The following FAM135B variants were observed in gnomAD, a reference collection of about 807,000 sequenced individuals.
FAM135B encodes family with sequence similarity 135 member B, also known as protein FAM135B.
A neutral mutation model predicts 127.7 loss-of-function variants in FAM135B; 43 were observed. That is an observed-to-expected ratio of 0.34 (90% CI 0.26 to 0.43). The LOEUF (loss-of-function observed/expected upper bound fraction) is 0.43. Among genes scored for constraint, FAM135B ranks in the 20% least tolerant of loss-of-function variants. The pLI, the probability that FAM135B is intolerant of heterozygous loss-of-function variation, is 1.00. For missense variants in FAM135B, 1,558 were observed against 1,725.6 expected (o/e 0.90, Z 1.72); for synonymous variants, 670 against 665.1 (o/e 1.01, Z -0.11).
At chr8:138,481,128 T>C (rs1432353519) in intron 1 of FAM135B, among the ~76,000 whole-genome samples, 2 of 152,198 alleles carry the variant, frequency 1.3e-5, no homozygotes, top group African/African-American at 4.8e-5. Flanking sequence ...CTCAACAGCA[T>C]CCGCAGCACA....
In FAM135B at chr8:138,152,764, C is replaced by G. The variant is rs145591171; in HGVS notation, c.1711G>C (p.Ala571Pro). The G allele has an allele frequency of 6.2e-7, 1 of 1,614,192 alleles. No individual in the cohort carries two copies. The highest frequency in any genetic ancestry group is 1.3e-5 in the African/African-American group (1 of 75,052). ...KNPSRAEPLVAFNAQHESRSS... is the reference protein window; with the variant it reads ...KNPSRAEPLVPFNAQHESRSS... ...CTACTCTCATGCTGAGCATTGAAGG[C>G]CACCAGGGGTTCAGCTCTGGAGGGG... The change falls in exon 13 of 20, where the codon GCC (alanine) becomes CCC (proline). Residue 571 changes from alanine (A) to proline (P), a missense_variant. Coordinates refer to ENST00000395297, the MANE Select transcript of FAM135B (RefSeq NM_015912.4).
chr8:138,256,771 A>G lies in FAM135B; in HGVS notation c.298-12T>C. 6.2e-7 allele frequency: 1 copy of G among 1,611,454 alleles called. No individual in the cohort carries two copies. The highest frequency in any genetic ancestry group is 2.2e-5 in the East Asian group (1 of 44,802). On this transcript the variant is annotated splice_polypyrimidine_tract_variant and intron_variant, in intron 4 of 19. Coordinates refer to ENST00000395297, the MANE Select transcript of FAM135B (RefSeq NM_015912.4). ...AGTGCGTCTTCCATCTGCAAAAGAA[A>G]CAAAGTCCAAGGGATTTCAGGAGTC...
At chr8:138,423,053 G>A (rs1000903236) in intron 1 of FAM135B, among the ~76,000 whole-genome samples, 2 of 152,098 alleles carry the variant, frequency 1.3e-5, no homozygotes, top group African/African-American at 4.8e-5. Context: ...CTTATAAGTG[G>A]GAGTTAAACA....
chr8:138,369,347 A>G (rs1390139220), intron 1 of FAM135B, among the ~76,000 whole-genome samples: 1 of 152,134 alleles, frequency 6.6e-6, no homozygotes, highest in Non-Finnish European at 1.5e-5. Flanking sequence ...TGCCTCAGGG[A>G]CCAGACCATT....
At chr8:138,155,637 G>T (rs1468820859) in intron 12 of FAM135B, among the ~76,000 whole-genome samples, 1 of 152,050 alleles carries the variant, frequency 6.6e-6, no homozygotes, top group Non-Finnish European at 1.5e-5. Flanking sequence ...AAAAACAGGG[G>T]TTGCAATCCT....
chr8:138,213,329 AG>A (rs1818284059), intron 7 of FAM135B, among the ~76,000 whole-genome samples: 1 of 141,390 alleles, frequency 7.1e-6, no homozygotes, highest in South Asian at 2.3e-4. Flanking sequence ...TTAAGTAATA[AG>A]TATTATTGTC....
At position 138,424,429 on chromosome 8, in the gene FAM135B, T is replaced by C. The variant is rs183919599; in HGVS notation, c.-19-56427A>G. 1.2e-4 allele frequency among the ~76,000 whole-genome samples: 18 copies of C among 152,344 alleles called. No individual in the cohort carries two copies. The East Asian group carries it at 3.5e-3, about 29-fold the overall frequency. The stretch of plus-strand genomic sequence containing the variant: ...TTCCCACAACAGTGAGAAAGACATG[T>C]AGATGTATATATCTTCAATACCTTC... On this transcript the variant is annotated intron_variant, in intron 1 of 19. Transcript: ENST00000395297.
chr8:138,260,766 C>T (rs569958628), intron 4 of FAM135B, among the ~76,000 whole-genome samples: 1 of 152,302 alleles, frequency 6.6e-6, no homozygotes, highest in African/African-American at 2.4e-5. Flanking sequence ...ATAGCAGCAA[C>T]TGCCTGTATG....
At chr8:138,441,331 ACTTT>A (rs1835751331) in intron 1 of FAM135B, 1 of 152,152 alleles carries the variant, frequency 6.6e-6, no homozygotes, top group Admixed American at 6.6e-5. Flanking sequence ...CAGAACTAAA[ACTTT>A]CTTATGCAGG....
chr8:138,436,029 TA>T (rs1835434963), intron 1 of FAM135B, among the ~76,000 whole-genome samples: 1 of 152,226 alleles, frequency 6.6e-6, no homozygotes, highest in Non-Finnish European at 1.5e-5. Context: ...TGTGACAGCC[TA>T]TGTGCTCCAT....
intron 2 of FAM135B, chr8:138,367,397 A>C (rs113870086): frequency 5.0e-5 from 23 of 456,388 alleles, no homozygotes; most frequent in Middle Eastern, 3.3e-4. Context: ...GAAATGCCAA[A>C]TTCAGACTGC....
At chr8:138,414,139 TGCACA>T (rs1834016670) in intron 1 of FAM135B, among the ~76,000 whole-genome samples, 3 of 148,430 alleles carry the variant, frequency 2.0e-5, no homozygotes, top group African/African-American at 7.5e-5. Flanking sequence ...TATATATATA[TGCACA>T]AAAAATATAT....
intron 2 of FAM135B, among the ~76,000 whole-genome samples, chr8:138,311,881 A>G (rs1826709513): frequency 6.6e-6 from 1 of 152,162 alleles, no homozygotes; most frequent in Non-Finnish European, 1.5e-5. Context: ...CATGAGTGAC[A>G]CATTTCCAGC....
chr8:138,478,613 A>G (rs1814628191), intron 1 of FAM135B, among the ~76,000 whole-genome samples: 1 of 152,188 alleles, frequency 6.6e-6, no homozygotes, highest in Non-Finnish European at 1.5e-5. Flanking sequence ...TTCTAAATAC[A>G]CTGGCTCTAC....
At chr8:138,442,400 T>C (rs1266842040) in intron 1 of FAM135B, among the ~76,000 whole-genome samples, 1 of 151,624 alleles carries the variant, frequency 6.6e-6, no homozygotes, top group Non-Finnish European at 1.5e-5. Flanking sequence ...CACGTACTAC[T>C]ATGTGTCAGG....
At chr8:138,473,738 C>T (rs1814211783) in intron 1 of FAM135B, among the ~76,000 whole-genome samples, 1 of 152,014 alleles carries the variant, frequency 6.6e-6, no homozygotes, top group African/African-American at 2.4e-5. Context: ...TCACCAGCAG[C>T]TTTAAGATAC....
At chr8:138,208,579 C>T (rs1817894206) in intron 7 of FAM135B, among the ~76,000 whole-genome samples, 1 of 152,174 alleles carries the variant, frequency 6.6e-6, no homozygotes, top group Admixed American at 6.5e-5. Flanking sequence ...GAAACAGAGT[C>T]CCACAAAAAC....
Position 138,226,184 on chromosome 8 carries a change from T to TGTGTGTGTGTGTGCGCGCGCGC in FAM135B, c.669+16757_669+16758insGCGCGCGCGCACACACACACAC. Among the ~76,000 whole-genome samples the TGTGTGTGTGTGTGCGCGCGCGC allele has an allele frequency of 2.0e-3, 276 of 139,282 alleles. 2 individuals are homozygous for TGTGTGTGTGTGTGCGCGCGCGC. The highest frequency in any genetic ancestry group is 6.6e-3 in the East Asian group (30 of 4,566). The allele number at this position is 139,282 out of a possible 152,430, so 91.4% of individuals were successfully genotyped here. On this transcript the variant is annotated intron_variant, in intron 7 of 19. Coordinates refer to ENST00000395297, the MANE Select transcript of FAM135B (RefSeq NM_015912.4). ...GTGTGTGTGTGTGTGTGTGTGTGTG[T>TGTGTGTGTGTGTGCGCGCGCGC]GCGCGCATGTCATTTTTTTTTTCAT...
At position 138,199,876 on chromosome 8, in the gene FAM135B, A is replaced by G. The variant is rs143549002; in HGVS notation, c.670-2207T>C. 8.5e-3 allele frequency among the ~76,000 whole-genome samples: 1,288 copies of G among 152,294 alleles called. 24 individuals are homozygous for G. Among genetic ancestry groups the G allele is most frequent in the African/African-American group, 0.029 (1,216 of 41,568 alleles). ...TCCTCCCTCGACATGTGGGGATTAC[A>G]GGTTCTTCCCTTGACACATGGGGAT... On this transcript the variant is annotated intron_variant, in intron 7 of 19. Transcript: ENST00000395297.
Sources: gnomAD v4.1 joint callset for allele counts (sites outside exome capture counted in the v4.1 genomes callset) on GRCh38, gnomAD v4.1.1 for gene constraint, MANE v1.5 for transcripts, NCBI Gene and HGNC (gene_info 2026-07-23, HGNC 2026-07-21) for gene names.